The following FBXL17 variants were observed in gnomAD, a reference collection of about 807,000 sequenced individuals.
FBXL17 encodes F-box/LRR-repeat protein 17.
Under a neutral mutation model 66.2 loss-of-function variants are expected in FBXL17, and 22 were observed. That is an observed-to-expected ratio of 0.33 (90% CI 0.24 to 0.47). The LOEUF (loss-of-function observed/expected upper bound fraction) is 0.47. FBXL17 is among the 20% of genes least tolerant of loss of function. The pLI, the probability that FBXL17 is intolerant of heterozygous loss-of-function variation, is 1.00. For synonymous variants in FBXL17, 474 were observed against 400.5 expected, an observed-to-expected ratio of 1.18 and a Z score of -2.19; for missense variants, 878 against 948.2, an observed-to-expected ratio of 0.93 and a Z score of 0.97.
intron 7 of FBXL17, among the ~76,000 whole-genome samples, chr5:108,013,348 CGT>C (rs1326875942): frequency 2.6e-5 from 4 of 152,124 alleles, no homozygotes; most frequent in Non-Finnish European, 4.4e-5. Flanking sequence ...AAAATTTGTC[CGT>C]GTTTGCATGT....
intron 6 of FBXL17, among the ~76,000 whole-genome samples, chr5:108,107,520 A>G (rs1271698342): frequency 3.3e-5 from 5 of 152,030 alleles, no homozygotes; most frequent in Admixed American, 1.3e-4. Context: ...GATTCCTTTA[A>G]GAGAAATCTC....
intron 7 of FBXL17, among the ~76,000 whole-genome samples, chr5:107,989,499 T>A (rs1753149905): frequency 6.6e-6 from 1 of 152,178 alleles, no homozygotes; most frequent in South Asian, 2.1e-4. Context: ...TGAATAATAT[T>A]CCATTGTGAA....
intron 1 of FBXL17, among the ~76,000 whole-genome samples, chr5:108,371,648 G>A (rs538064898): frequency 7.9e-5 from 12 of 151,974 alleles, no homozygotes; most frequent in Non-Finnish European, 1.0e-4. Context: ...AAAGAAAACC[G>A]TGGACAAAGA....
At chr5:108,177,412 T>C (rs1243672990) in intron 6 of FBXL17, among the ~76,000 whole-genome samples, 1 of 152,160 alleles carries the variant, frequency 6.6e-6, no homozygotes, top group Non-Finnish European at 1.5e-5. Context: ...AGATATCCCA[T>C]ATGGAAAAGC....
chr5:107,884,311 C>A (rs1748890193), intron 7 of FBXL17, among the ~76,000 whole-genome samples: 2 of 152,146 alleles, frequency 1.3e-5, no homozygotes, highest in African/African-American at 4.8e-5. Context: ...AACAGCTCTG[C>A]AGAACAATAA....
rs552360192 is a variant in FBXL17 at position 108,024,050 on chromosome 5, C to T, written c.1746-3049G>A. ...CTCAGAATCTAGAATTCAAGTTATT[C>T]CTATTTTTCCCCAACCCCTTGTCCC... On this transcript the variant is annotated intron_variant, in intron 6 of 8. Coordinates refer to ENST00000542267, the MANE Select transcript of FBXL17 (RefSeq NM_001163315.3). Among the ~76,000 whole-genome samples, 320 of 152,136 alleles carry T rather than the reference C, an allele frequency of 2.1e-3. 2 individuals carry two copies. Among genetic ancestry groups the T allele is most frequent in the African/African-American group, 7.2e-3 (297 of 41,470 alleles).
chr5:108,176,049 A>G (rs1363963442), intron 6 of FBXL17, among the ~76,000 whole-genome samples: 1 of 152,064 alleles, frequency 6.6e-6, no homozygotes, highest in Non-Finnish European at 1.5e-5. Flanking sequence ...GAATAAGACA[A>G]CTCCTGGGAG....
chr5:108,301,277 A>G (rs973098717), intron 4 of FBXL17, among the ~76,000 whole-genome samples: 4 of 151,776 alleles, frequency 2.6e-5, no homozygotes, highest in African/African-American at 9.7e-5. Flanking sequence ...ATAAAAACCT[A>G]AGATGAATTC....
intron 6 of FBXL17, among the ~76,000 whole-genome samples, chr5:108,127,229 T>C (rs1359291225): frequency 6.6e-6 from 1 of 152,196 alleles, no homozygotes; most frequent in Non-Finnish European, 1.5e-5. Context: ...GCTTTCAAAT[T>C]GCCTATCATC....
intron 7 of FBXL17, among the ~76,000 whole-genome samples, chr5:107,997,764 G>A (rs991975680): frequency 6.6e-6 from 1 of 152,178 alleles, no homozygotes; most frequent in Non-Finnish European, 1.5e-5. Flanking sequence ...TCAGAAGGAT[G>A]AGGTAGGAGG....
At chr5:108,081,473 G>C (rs1005367143) in intron 6 of FBXL17, among the ~76,000 whole-genome samples, 2 of 152,114 alleles carry the variant, frequency 1.3e-5, no homozygotes, top group Non-Finnish European at 2.9e-5. Flanking sequence ...TGTAATCCCA[G>C]CACTTTGGGA....
intron 6 of FBXL17, among the ~76,000 whole-genome samples, chr5:108,105,238 G>C (rs1749752311): frequency 6.6e-6 from 1 of 152,214 alleles, no homozygotes; most frequent in Non-Finnish European, 1.5e-5. Flanking sequence ...AGGCTTCTTG[G>C]AGAAGGCGCA....
intron 3 of FBXL17, among the ~76,000 whole-genome samples, chr5:108,364,328 T>C (rs994294451): frequency 6.6e-6 from 1 of 151,954 alleles, no homozygotes; most frequent in African/African-American, 2.4e-5. Context: ...TTTATAATCT[T>C]CAATTTGGAC....
intron 6 of FBXL17, among the ~76,000 whole-genome samples, chr5:108,023,784 A>G (rs1018974011): frequency 6.6e-6 from 1 of 152,142 alleles, no homozygotes; most frequent in South Asian, 2.1e-4. Flanking sequence ...CAAAGTCATA[A>G]ATCTTAGTAT....
At chr5:107,887,920 G>C (rs906380433) in intron 7 of FBXL17, among the ~76,000 whole-genome samples, 8 of 152,118 alleles carry the variant, frequency 5.3e-5, no homozygotes, top group African/African-American at 1.9e-4. Flanking sequence ...AAACAAAAGA[G>C]CTCCCTTTTA....
intron 6 of FBXL17, among the ~76,000 whole-genome samples, chr5:108,100,276 A>G (rs1749550538): frequency 6.6e-6 from 1 of 152,152 alleles, no homozygotes; most frequent in South Asian, 2.1e-4. Flanking sequence ...ATCAGTCTGA[A>G]CCATCAGAAA....
chr5:108,172,759 A>G (rs1478429367), intron 6 of FBXL17, among the ~76,000 whole-genome samples: 2 of 152,146 alleles, frequency 1.3e-5, no homozygotes. Context: ...ATAAATTTCC[A>G]TCTAATTTGA....
chr5:107,941,481 CCA>C (rs1169282116), intron 7 of FBXL17, among the ~76,000 whole-genome samples: 1 of 152,132 alleles, frequency 6.6e-6, no homozygotes, highest in Non-Finnish European at 1.5e-5. Context: ...GACGGATGCT[CCA>C]CAGTTTCCTC....
chr5:108,293,114 A>C (rs1758190220), intron 4 of FBXL17, among the ~76,000 whole-genome samples: 1 of 151,536 alleles, frequency 6.6e-6, no homozygotes, highest in African/African-American at 2.4e-5. Context: ...AAAAAAAACA[A>C]AAAAAAACTT....
Sources: allele counts gnomAD v4.1 joint callset (sites outside exome capture counted in the v4.1 genomes callset), GRCh38; gene constraint gnomAD v4.1.1; transcripts MANE v1.5; gene names NCBI Gene and HGNC (gene_info 2026-07-23, HGNC 2026-07-21).